Variants in ACBD6 observed in about 807,000 individuals in gnomAD.
ACBD6 encodes the protein acyl-CoA binding domain containing 6.
ACBD6 carries 28 observed loss-of-function variants against 37.2 expected under a neutral mutation model. The observed-to-expected ratio is 0.75, with a 90% confidence interval of 0.56 to 1.03. The LOEUF is 1.03. ACBD6 is among the 50% of genes least tolerant of loss of function. The pLI is 0.00. For missense variants in ACBD6, 340 were observed against 337.4 expected, an observed-to-expected ratio of 1.01 and a Z score of -0.06; for synonymous variants, 113 against 126.8, an observed-to-expected ratio of 0.89 and a Z score of 0.73.
At chr1:180,316,914 C>T (rs1479868242) in intron 6 of ACBD6, among the ~76,000 whole-genome samples, 1 of 152,026 alleles carries the variant, frequency 6.6e-6, no homozygotes, top group African/African-American at 2.4e-5. Context: ...GAGTGAGAGA[C>T]GAGACTGATG....
At chr1:180,283,952 C>T (rs1571314500), downstream of ACBD6, among the ~76,000 whole-genome samples, 1 of 152,192 alleles carries the variant, frequency 6.6e-6, no homozygotes, top group East Asian at 1.9e-4. Flanking sequence ...AGAAATCAAG[C>T]ATTTCGGATA....
At chr1:180,462,960 C>A (rs1293575474) in intron 3 of ACBD6, among the ~76,000 whole-genome samples, 2 of 152,002 alleles carry the variant, frequency 1.3e-5, no homozygotes, top group Non-Finnish European at 2.9e-5. Context: ...AAATTAAATA[C>A]CTTGCTCCTG....
intron 3 of ACBD6, among the ~76,000 whole-genome samples, chr1:180,450,519 G>A (rs1340380994): frequency 6.6e-6 from 1 of 152,208 alleles, no homozygotes; most frequent in African/African-American, 2.4e-5. Flanking sequence ...AGCACTTTGG[G>A]AGGCCCAGGC....
At position 180,301,944 on chromosome 1, in the gene ACBD6, CA is replaced by C. The variant is rs1650145754; in HGVS notation, c.694+12747del. ...GTTATGATTTAATATTGCATTTTTA[CA>C]ATCGTTTACACTTTTCTCAGCTTTG... On this transcript the variant is annotated intron_variant, in intron 7 of 7. Transcript: ENST00000367595. 2.0e-5 allele frequency among the ~76,000 whole-genome samples: 3 copies of C among 151,848 alleles called. No individual in the cohort carries two copies. In the South Asian group the frequency reaches 6.2e-4, roughly 32 times the overall value.
At chr1:180,291,267 C>A (rs1038508656) in intron 7 of ACBD6, among the ~76,000 whole-genome samples, 3 of 152,170 alleles carry the variant, frequency 2.0e-5, no homozygotes, top group African/African-American at 7.2e-5. Context: ...ATTGCTGAGT[C>A]ATATGGCAAG....
chr1:180,441,519 G>T (rs1649279227), intron 3 of ACBD6, among the ~76,000 whole-genome samples: 1 of 152,266 alleles, frequency 6.6e-6, no homozygotes, highest in South Asian at 2.1e-4. Context: ...AACACAAGAT[G>T]AATTTCCATT....
intron 9 of ACBD6, chr1:180,276,255 T>C (rs1255221890): frequency 6.6e-6 from 1 of 152,230 alleles, no homozygotes; most frequent in Non-Finnish European, 1.5e-5. Context: ...GACTTAGGCA[T>C]GTCATAGGCA....
At chr1:180,390,012 T>A (rs1243226979) in intron 6 of ACBD6, among the ~76,000 whole-genome samples, 5 of 151,748 alleles carry the variant, frequency 3.3e-5, no homozygotes, top group Non-Finnish European at 7.4e-5. Flanking sequence ...TTTAATTAGA[T>A]CCTATTTGTC....
At chr1:180,332,249 C>T (rs1651514263) in intron 6 of ACBD6, among the ~76,000 whole-genome samples, 1 of 152,170 alleles carries the variant, frequency 6.6e-6, no homozygotes, top group Non-Finnish European at 1.5e-5. Context: ...GTACAAACCT[C>T]CACCATTTCC....
intron 3 of ACBD6, among the ~76,000 whole-genome samples, chr1:180,478,248 A>G (rs1472148991): frequency 6.6e-6 from 1 of 152,150 alleles, no homozygotes; most frequent in African/African-American, 2.4e-5. Context: ...GCTAAAAAAT[A>G]ATTTCTAATC....
intron 6 of ACBD6, among the ~76,000 whole-genome samples, chr1:180,375,569 T>C (rs1440766742): frequency 2.6e-5 from 4 of 152,124 alleles, no homozygotes; most frequent in African/African-American, 9.7e-5. Flanking sequence ...CAAGGGATCA[T>C]CCTGCCTTGA....
chr1:180,336,558 C>G (rs1404947116), intron 6 of ACBD6, among the ~76,000 whole-genome samples: 1 of 148,260 alleles, frequency 6.7e-6, no homozygotes, highest in Admixed American at 6.7e-5. Context: ...CAAGAGAAAG[C>G]AGGAAAGATC....
intron 4 of ACBD6, among the ~76,000 whole-genome samples, chr1:180,423,025 T>C (rs1377478070): frequency 1.3e-5 from 2 of 152,254 alleles, no homozygotes; most frequent in Non-Finnish European, 2.9e-5. Flanking sequence ...CTAGTGTTTA[T>C]GTGCCTACAT....
chr1:180,319,924 C>T (rs1247664494), intron 6 of ACBD6, among the ~76,000 whole-genome samples: 2 of 152,144 alleles, frequency 1.3e-5, no homozygotes, highest in African/African-American at 2.4e-5. Flanking sequence ...ACTTAGGTTG[C>T]CTCCAAATCC....
chr1:180,456,298 A>C (rs1649921966), intron 3 of ACBD6, among the ~76,000 whole-genome samples: 1 of 152,154 alleles, frequency 6.6e-6, no homozygotes, highest in Non-Finnish European at 1.5e-5. Flanking sequence ...AAAAAGTTTC[A>C]AAAACTCTCT....
chr1:180,502,475 C>T lies in ACBD6; in HGVS notation c.-209G>A. ...GCAGAGCAGGCTCCTCGACCCTCTGCCGCTCTGCCCAGTCGACCCGGTCTC... is the reference window on the plus strand; with the variant it reads ...GCAGAGCAGGCTCCTCGACCCTCTGTCGCTCTGCCCAGTCGACCCGGTCTC... On this transcript the variant is annotated 5_prime_UTR_variant, in exon 1 of 8. Coordinates refer to ENST00000367595, the MANE Select transcript of ACBD6 (RefSeq NM_032360.4). The T allele has an allele frequency of 1.6e-6, 1 of 611,136 alleles. No individual in the cohort carries two copies. Among genetic ancestry groups the T allele is most frequent in the Non-Finnish European group, 2.9e-6 (1 of 342,556 alleles). The allele number at this position is 611,136 out of a possible 1,614,324, so 37.9% of individuals were successfully genotyped here. A position where few individuals can be genotyped will look rare whatever the true frequency, so the allele number is the denominator to read the frequency against.
intron 3 of ACBD6, among the ~76,000 whole-genome samples, chr1:180,464,181 C>A (rs1650261738): frequency 6.6e-6 from 1 of 152,056 alleles, no homozygotes; most frequent in Non-Finnish European, 1.5e-5. Context: ...TATTGGAAGT[C>A]CTGGCCAGAG....
At chr1:180,411,285 T>C (rs558395511) in intron 5 of ACBD6, among the ~76,000 whole-genome samples, 1 of 152,224 alleles carries the variant, frequency 6.6e-6, no homozygotes, top group South Asian at 2.1e-4. Context: ...ACTCAGTTGA[T>C]AAAGCAGTGG....
intron 3 of ACBD6, among the ~76,000 whole-genome samples, chr1:180,479,576 T>A (rs1650942612): frequency 6.6e-6 from 1 of 152,124 alleles, no homozygotes; most frequent in Non-Finnish European, 1.5e-5. Context: ...ATAAATTCAA[T>A]GTTTGATAGC....
Sources: gnomAD v4.1 joint callset for allele counts (sites outside exome capture counted in the v4.1 genomes callset) on GRCh38, gnomAD v4.1.1 for gene constraint, MANE v1.5 for transcripts, NCBI Gene and HGNC (gene_info 2026-07-23, HGNC 2026-07-21) for gene names.